ESR1: variants seen among roughly 807,000 people sequenced by gnomAD.
ESR1 encodes estrogen receptor.
In ESR1, 12 loss-of-function variants were observed where a neutral mutation model predicts 52.7. The ratio of observed to expected loss-of-function variants is 0.23; its 90% CI spans 0.15 to 0.37. ESR1 has a LOEUF of 0.37. Among genes scored for constraint, ESR1 ranks in the 10% least tolerant of loss-of-function variants. The pLI is 1.00. For synonymous variants in ESR1, 305 were observed against 316.8 expected, an observed-to-expected ratio of 0.96 and a Z score of 0.39; for missense variants, 584 against 779.7, an observed-to-expected ratio of 0.75 and a Z score of 2.99.
At chr6:151,659,695 C>G (rs2115192742) in intron 1 of ESR1, among the ~76,000 whole-genome samples, 1 of 152,300 alleles carries the variant, frequency 6.6e-6, no homozygotes, top group Admixed American at 6.5e-5. Context: ...ACACTCCAGT[C>G]TCACTGAGAG....
At chr6:152,105,802 A>G, downstream of ESR1, among the ~76,000 whole-genome samples, 1 of 78,474 alleles carries the variant, frequency 1.3e-5, no homozygotes, top group Non-Finnish European at 2.2e-5. Flanking sequence ...TTTTTTTGAG[A>G]CGGAGTCTCG....
At chr6:151,954,644 A>G (rs1415390658) in intron 4 of ESR1, among the ~76,000 whole-genome samples, 1 of 152,218 alleles carries the variant, frequency 6.6e-6, no homozygotes, top group Non-Finnish European at 1.5e-5. Flanking sequence ...TACCTGGTCA[A>G]GATGTTTGCT....
chr6:151,686,815 T>C (rs920186763), upstream of ESR1, among the ~76,000 whole-genome samples: 4 of 152,138 alleles, frequency 2.6e-5, no homozygotes, highest in Non-Finnish European at 5.9e-5. Context: ...CCACCAGAGG[T>C]GCCCTTGGAT....
intron 1 of ESR1, among the ~76,000 whole-genome samples, chr6:151,699,587 C>G (rs1437464114): frequency 2.0e-5 from 3 of 152,120 alleles, no homozygotes; most frequent in South Asian, 2.1e-4. Flanking sequence ...CAAGGCAACC[C>G]TCAAAAATAT....
intron 2 of ESR1, among the ~76,000 whole-genome samples, chr6:151,852,929 T>C (rs901666708): frequency 1.3e-5 from 2 of 151,280 alleles, no homozygotes; most frequent in African/African-American, 4.9e-5. Context: ...AATCCAGCAC[T>C]TTGGGAGGCT....
At chr6:151,772,257 C>G (rs1167827579) in intron 2 of ESR1, among the ~76,000 whole-genome samples, 1 of 152,176 alleles carries the variant, frequency 6.6e-6, no homozygotes, top group Non-Finnish European at 1.5e-5. Context: ...GTCCTGGGCA[C>G]TGTGACATGG....
intron 2 of ESR1, among the ~76,000 whole-genome samples, chr6:151,763,115 T>C (rs1469251976): frequency 6.6e-6 from 1 of 152,156 alleles, no homozygotes; most frequent in Non-Finnish European, 1.5e-5. Flanking sequence ...TTTCTCTGTA[T>C]TGCTAAGAGC....
At position 151,987,136 on chromosome 6, in the gene ESR1, G is replaced by T. The variant is rs534121493; in HGVS notation, c.1097-24520G>T. 3.9e-4 allele frequency among the ~76,000 whole-genome samples: 59 copies of T among 151,824 alleles called. 2 individuals are homozygous for T. In the South Asian group the frequency reaches 0.011, roughly 28 times the overall value. ...CCTGGGTCCAAATGGGCTTTGCTGT[G>T]AACAGTGACTCTCAGGCTTCTGGTC... is the stretch of plus-strand genomic sequence containing the variant. On this transcript the variant is annotated intron_variant, in intron 4 of 7. Transcript: ENST00000206249.
At chr6:151,725,103 C>T (rs542242677) in intron 2 of ESR1, among the ~76,000 whole-genome samples, 22 of 152,288 alleles carry the variant, frequency 1.4e-4, no homozygotes, top group African/African-American at 4.6e-4. Context: ...TGTGATCCCA[C>T]GGAATACTTT....
chr6:151,747,996 C>A (rs902032956), intron 2 of ESR1, among the ~76,000 whole-genome samples: 2 of 152,036 alleles, frequency 1.3e-5, no homozygotes, highest in African/African-American at 4.8e-5. Flanking sequence ...GAGTATATGC[C>A]TAATAGAGAA....
intron 5 of ESR1, among the ~76,000 whole-genome samples, chr6:152,019,285 G>C (rs577587882): frequency 6.6e-5 from 10 of 152,078 alleles, no homozygotes; most frequent in Non-Finnish European, 1.2e-4. Context: ...AGGCACACAC[G>C]TACACACACA....
At chr6:151,946,976 G>A (rs537064385) in intron 4 of ESR1, among the ~76,000 whole-genome samples, 4 of 152,228 alleles carry the variant, frequency 2.6e-5, no homozygotes, top group East Asian at 1.9e-4. Flanking sequence ...ACAATATAAC[G>A]TTTATGAGAT....
At chr6:151,815,097 T>C (rs1779402616) in intron 1 of ESR1, among the ~76,000 whole-genome samples, 2 of 152,222 alleles carry the variant, frequency 1.3e-5, no homozygotes, top group Admixed American at 6.5e-5. Flanking sequence ...GGGAGTGGGG[T>C]AACAGTTTCG....
chr6:151,717,840 G>A (rs894095075), intron 2 of ESR1, among the ~76,000 whole-genome samples: 1 of 152,106 alleles, frequency 6.6e-6, no homozygotes, highest in Non-Finnish European at 1.5e-5. Context: ...AGGAATAATT[G>A]TGCTTTGAAA....
chr6:152,036,737 C>G (rs2045337243), intron 5 of ESR1, among the ~76,000 whole-genome samples: 1 of 152,172 alleles, frequency 6.6e-6, no homozygotes. Context: ...GTGGAGTTTT[C>G]TATAGTATGT....
At chr6:152,043,128 C>T (rs1442759807) in intron 5 of ESR1, among the ~76,000 whole-genome samples, 1 of 152,210 alleles carries the variant, frequency 6.6e-6, no homozygotes, top group Non-Finnish European at 1.5e-5. Context: ...GAATTCACTC[C>T]ACCATCCCAG....
intron 1 of ESR1, among the ~76,000 whole-genome samples, chr6:151,677,095 C>T (rs865860697): frequency 1.3e-5 from 2 of 152,182 alleles, no homozygotes; most frequent in Non-Finnish European, 2.9e-5. Context: ...AAGGGATCCT[C>T]CTGCCTCAGC....
intron 6 of ESR1, among the ~76,000 whole-genome samples, chr6:152,110,590 C>T (rs1032588997): frequency 7.9e-5 from 12 of 152,064 alleles, no homozygotes; most frequent in African/African-American, 2.9e-4. Flanking sequence ...AGACTTAATA[C>T]CTGCGCGACA....
intron 6 of ESR1, among the ~76,000 whole-genome samples, chr6:152,086,660 AC>A (rs2049748608): frequency 3.3e-5 from 5 of 151,208 alleles, no homozygotes; most frequent in Admixed American, 6.6e-5. Context: ...GAAAAATGTC[AC>A]TGAATCAGAG....
Sources: gnomAD v4.1 joint callset for allele counts (sites outside exome capture counted in the v4.1 genomes callset) on GRCh38, gnomAD v4.1.1 for gene constraint, MANE v1.5 for transcripts, NCBI Gene and HGNC (gene_info 2026-07-23, HGNC 2026-07-21) for gene names.